Variants in SNRPN observed in about 807,000 individuals in gnomAD.
SNRPN encodes small nuclear ribonucleoprotein-associated protein N.
In SNRPN, 7 loss-of-function variants were observed where a neutral mutation model predicts 25.2. The ratio of observed to expected loss-of-function variants is 0.28; its 90% CI spans 0.16 to 0.52. The LOEUF (loss-of-function observed/expected upper bound fraction) is 0.52, where lower values mean the gene tolerates loss of function less well. SNRPN is among the 20% of genes least tolerant of loss of function. The pLI is 0.96. For missense variants in SNRPN, 196 were observed against 322.5 expected, an observed-to-expected ratio of 0.61 and a Z score of 3.00; for synonymous variants, 124 against 110.6, an observed-to-expected ratio of 1.12 and a Z score of -0.76.
At chr15:24,869,261 T>C (rs1004473731) in intron 1 of SNRPN, among the ~76,000 whole-genome samples, 1 of 152,208 alleles carries the variant, frequency 6.6e-6, no homozygotes, top group Non-Finnish European at 1.5e-5. Flanking sequence ...ATAGTTTAGA[T>C]ATACACAGCA....
chr15:24,848,809 C>T (rs2052508600), intron 2 of SNRPN: 2 of 152,036 alleles, frequency 1.3e-5, no homozygotes, highest in Admixed American at 1.3e-4. Flanking sequence ...CAAACTTTCC[C>T]CACAGTCTCT....
upstream of SNRPN, among the ~76,000 whole-genome samples, chr15:24,952,661 AAC>A (rs1336472756): frequency 3.3e-5 from 5 of 152,232 alleles, no homozygotes; most frequent in Non-Finnish European, 7.3e-5. Flanking sequence ...TTGAAAAGAG[AAC>A]ACACCAGAAA....
intron 2 of SNRPN, among the ~76,000 whole-genome samples, chr15:24,907,476 T>C (rs1046649884): frequency 2.0e-5 from 3 of 151,998 alleles, no homozygotes; most frequent in Non-Finnish European, 4.4e-5. Flanking sequence ...CGGTCGCCTG[T>C]AGTCCCAGCT....
At chr15:24,832,230 A>G (rs1373391289) in intron 2 of SNRPN, among the ~76,000 whole-genome samples, 2 of 151,812 alleles carry the variant, frequency 1.3e-5, no homozygotes, top group Non-Finnish European at 2.9e-5. Context: ...TAAATTTGCA[A>G]TTGTCTATGT....
chr15:24,875,035 C>T (rs923004105), intron 1 of SNRPN, among the ~76,000 whole-genome samples: 11 of 152,162 alleles, frequency 7.2e-5, no homozygotes, highest in African/African-American at 7.2e-5. Context: ...CTATAGTCTA[C>T]GAATTTATTC....
chr15:24,899,665 G>C (rs1264823676), intron 2 of SNRPN, among the ~76,000 whole-genome samples: 1 of 152,288 alleles, frequency 6.6e-6, no homozygotes, highest in South Asian at 2.1e-4. Context: ...GTGGTTTCTA[G>C]TGTAGTGCTT....
chr15:24,943,873 G>A (rs2061718181), intron 3 of SNRPN, among the ~76,000 whole-genome samples: 1 of 151,830 alleles, frequency 6.6e-6, no homozygotes, highest in African/African-American at 2.4e-5. Context: ...CCAGGCTGGA[G>A]TGCAGTGGCA....
intron 3 of SNRPN, among the ~76,000 whole-genome samples, chr15:24,971,094 T>G (rs2076344287): frequency 6.6e-6 from 1 of 152,228 alleles, no homozygotes; most frequent in Non-Finnish European, 1.5e-5. Context: ...CCTAGTCATC[T>G]TATTTTACTT....
intron 2 of SNRPN, among the ~76,000 whole-genome samples, chr15:24,889,581 A>C (rs540240702): frequency 6.6e-6 from 1 of 151,976 alleles, no homozygotes; most frequent in Non-Finnish European, 1.5e-5. Context: ...CTGGGATTAC[A>C]GGCATGAGCC....
chr15:24,880,434 G>T (rs12907937), intron 1 of SNRPN, among the ~76,000 whole-genome samples: 20,172 of 152,064 alleles, frequency 0.13, 1,598 homozygotes, highest in East Asian at 0.24. Flanking sequence ...ATTCAGGCCT[G>T]GGGATAAGTG....
At chr15:24,918,693 A>G (rs1302094268) in intron 2 of SNRPN, among the ~76,000 whole-genome samples, 1 of 78,970 alleles carries the variant, frequency 1.3e-5, no homozygotes, top group Admixed American at 1.5e-4. Flanking sequence ...TATATAACAT[A>G]ATATATATGT....
intron 2 of SNRPN, chr15:24,919,967 G>A (rs887477168): frequency 2.6e-5 from 4 of 152,042 alleles, no homozygotes; most frequent in Non-Finnish European, 5.9e-5. Flanking sequence ...CTTCTATTTT[G>A]AATGACCTGA....
intron 2 of SNRPN, among the ~76,000 whole-genome samples, chr15:24,905,980 AG>A (rs2151846789): frequency 6.6e-6 from 1 of 152,334 alleles, no homozygotes; most frequent in African/African-American, 2.4e-5. Flanking sequence ...ACCCATTACA[AG>A]GTTAACGAGT....
chr15:24,904,512 A>G (rs1459600966), intron 2 of SNRPN, among the ~76,000 whole-genome samples: 1 of 151,752 alleles, frequency 6.6e-6, no homozygotes, highest in Non-Finnish European at 1.5e-5. Context: ...AAAATTAGCT[A>G]GGCATGGTGC....
intron 2 of SNRPN, among the ~76,000 whole-genome samples, chr15:24,911,498 C>A (rs1000521233): frequency 6.6e-6 from 1 of 152,184 alleles, no homozygotes; most frequent in Admixed American, 6.5e-5. Flanking sequence ...ACTGACTATG[C>A]TGCCTCATGT....
At chr15:24,848,067 C>T (rs909487710) in intron 2 of SNRPN, among the ~76,000 whole-genome samples, 6 of 151,912 alleles carry the variant, frequency 3.9e-5, no homozygotes, top group African/African-American at 1.2e-4. Flanking sequence ...CGTGGCAGGG[C>T]CGGGACTCCT....
intron 4 of SNRPN, chr15:24,974,829 G>C (rs1303500099): frequency 2.9e-6 from 2 of 678,800 alleles, no homozygotes; most frequent in Non-Finnish European, 5.4e-6. Flanking sequence ...AAAGTGCTGG[G>C]ATTACAGGCA....
At chr15:24,866,540 G>C (rs1003941752) in intron 1 of SNRPN, among the ~76,000 whole-genome samples, 5 of 152,210 alleles carry the variant, frequency 3.3e-5, no homozygotes, top group Non-Finnish European at 7.4e-5. Context: ...TGGGACTACA[G>C]GTGCACACCA....
chr15:24,871,882 C>T (rs112949899), intron 1 of SNRPN, among the ~76,000 whole-genome samples: 4 of 116,726 alleles, frequency 3.4e-5, no homozygotes, highest in Non-Finnish European at 5.6e-5. Context: ...TTTTTTTGTA[C>T]TTTTAGCAGA....
Sources: gnomAD v4.1 joint callset for allele counts (sites outside exome capture counted in the v4.1 genomes callset) on GRCh38, gnomAD v4.1.1 for gene constraint, MANE v1.5 for transcripts, NCBI Gene and HGNC (gene_info 2026-07-23, HGNC 2026-07-21) for gene names.